Variants in AMPH observed in about 807,000 individuals in gnomAD.
AMPH encodes amphiphysin, also known as amphiphysin (Stiff-Mann syndrome with breast cancer 128kD autoantigen).
AMPH carries 49 observed loss-of-function variants against 99.1 expected under a neutral mutation model. The ratio of observed to expected loss-of-function variants is 0.49; its 90% confidence interval spans 0.39 to 0.63. The LOEUF (loss-of-function observed/expected upper bound fraction) is 0.63, where lower values mean the gene tolerates loss of function less well. Ranked by LOEUF, AMPH falls within the 20% of genes least tolerant of loss-of-function variation. The pLI, the probability that AMPH is intolerant of heterozygous loss-of-function variation, is 0.00. For synonymous variants in AMPH, 314 were observed against 317.3 expected (o/e 0.99, Z 0.11); for missense variants, 759 against 863.4 (o/e 0.88, Z 1.52).
chr7:38,618,391 AG>A (rs1562865234), intron 1 of AMPH, among the ~76,000 whole-genome samples: 1 of 151,900 alleles, frequency 6.6e-6, no homozygotes, highest in Admixed American at 6.6e-5. Flanking sequence ...ATGCACCTGT[AG>A]TCCCAGCTAC....
chr7:38,466,345 T>C (rs1787652078), intron 7 of AMPH, 97 bp from the exon 8 acceptor site: 1 of 944,984 alleles, frequency 1.1e-6, no homozygotes, highest in African/African-American at 1.7e-5. Flanking sequence ...AACCCAGGTT[T>C]CTTTTACACC....
chr7:38,408,704 T>C (rs954614352), intron 17 of AMPH, among the ~76,000 whole-genome samples: 1 of 147,212 alleles, frequency 6.8e-6, no homozygotes, highest in Non-Finnish European at 1.5e-5. Flanking sequence ...TGAGCCAAGA[T>C]TGCGCCACTG....
chr7:38,463,526 T>C (rs73120220), intron 9 of AMPH, among the ~76,000 whole-genome samples: 3,946 of 152,330 alleles, frequency 0.026, 74 homozygotes, highest in Admixed American at 0.054. Flanking sequence ...ATTTTACTCG[T>C]TTCACTTTCT....
chr7:38,565,402 G>A (rs1040573381), intron 1 of AMPH, among the ~76,000 whole-genome samples: 1 of 152,240 alleles, frequency 6.6e-6, no homozygotes, highest in Admixed American at 6.5e-5. Context: ...CTGAGATCGA[G>A]GTGCCATCAA....
At chr7:38,508,272 A>T (rs939081519) in intron 2 of AMPH, among the ~76,000 whole-genome samples, 1 of 152,150 alleles carries the variant, frequency 6.6e-6, no homozygotes, top group Non-Finnish European at 1.5e-5. Context: ...ATGGCCCCAA[A>T]TGCACAAGAA....
At chr7:38,525,540 A>G (rs2129036613) in intron 2 of AMPH, among the ~76,000 whole-genome samples, 1 of 151,644 alleles carries the variant, frequency 6.6e-6, no homozygotes, top group East Asian at 2.0e-4. Flanking sequence ...CACAGTCAGG[A>G]TACAGAACTT....
intron 17 of AMPH, among the ~76,000 whole-genome samples, chr7:38,405,683 T>C (rs1180133225): frequency 6.6e-6 from 1 of 152,094 alleles, no homozygotes; most frequent in Non-Finnish European, 1.5e-5. Flanking sequence ...TATAGAGAGA[T>C]ACATATACAT....
chr7:38,415,555 C>A lies in AMPH; in HGVS notation c.1398+2270G>T, dbSNP rs75371212. ...GATTATTATGACCGGAAGGAAGAAG[C>A]TATAAATCTACTTTAGGAAACAAAA... On this transcript the variant is annotated intron_variant, in intron 17 of 20. Coordinates refer to ENST00000356264, the MANE Select transcript of AMPH (RefSeq NM_001635.4). Among the ~76,000 whole-genome samples the A allele has an allele frequency of 4.8e-3, 734 of 152,192 alleles. 7 individuals are homozygous for A. The highest frequency in any genetic ancestry group is 0.017 in the African/African-American group (703 of 41,526).
chr7:38,462,217 C>T (rs996302115), intron 10 of AMPH, among the ~76,000 whole-genome samples: 9 of 152,238 alleles, frequency 5.9e-5, no homozygotes, highest in African/African-American at 9.6e-5. Flanking sequence ...TAAGCGTTCT[C>T]GGCGCGTTTA....
intron 1 of AMPH, among the ~76,000 whole-genome samples, chr7:38,599,042 T>C (rs1482614259): frequency 1.3e-5 from 2 of 152,230 alleles, no homozygotes; most frequent in Non-Finnish European, 2.9e-5. Flanking sequence ...ATATAGTGCC[T>C]AAATGTAGCT....
intron 2 of AMPH, among the ~76,000 whole-genome samples, chr7:38,523,176 G>A (rs1386999550): frequency 2.0e-5 from 3 of 151,836 alleles, no homozygotes; most frequent in East Asian, 1.9e-4. Context: ...CAGTTGGAAG[G>A]GTCACGGTTT....
chr7:38,627,526 G>A (rs1284715544), intron 1 of AMPH, among the ~76,000 whole-genome samples: 1 of 151,698 alleles, frequency 6.6e-6, no homozygotes, highest in Non-Finnish European at 1.5e-5. Flanking sequence ...GTGGTGGTGG[G>A]CACCTGTAGT....
At chr7:38,519,259 G>A (rs972975914) in intron 2 of AMPH, among the ~76,000 whole-genome samples, 1 of 152,156 alleles carries the variant, frequency 6.6e-6, no homozygotes, top group African/African-American at 2.4e-5. Context: ...AACAGACTAA[G>A]ACAGCATCTC....
At chr7:38,476,323 T>A (rs1199878819) in intron 6 of AMPH, among the ~76,000 whole-genome samples, 1 of 152,204 alleles carries the variant, frequency 6.6e-6, no homozygotes, top group Non-Finnish European at 1.5e-5. Context: ...GAAAGACCAT[T>A]CAGGCAGCTG....
chr7:38,537,081 C>A (rs1482840105), intron 1 of AMPH, among the ~76,000 whole-genome samples: 1 of 151,934 alleles, frequency 6.6e-6, no homozygotes, highest in South Asian at 2.1e-4. Context: ...GTTTAACATA[C>A]TATAAAGTTT....
chr7:38,423,108 C>T (rs73350711), intron 15 of AMPH, among the ~76,000 whole-genome samples: 7,114 of 152,184 alleles, frequency 0.047, 526 homozygotes, highest in African/African-American at 0.16. Context: ...CTCTTCTGGC[C>T]GTTGATATCA....
chr7:38,440,130 T>A (rs900808648), intron 11 of AMPH, among the ~76,000 whole-genome samples: 3 of 152,044 alleles, frequency 2.0e-5, no homozygotes, highest in Non-Finnish European at 4.4e-5. Flanking sequence ...TGTGGACCAA[T>A]CATAATCTAA....
At chr7:38,485,540 A>G (rs1226521866) in intron 5 of AMPH, among the ~76,000 whole-genome samples, 1 of 152,016 alleles carries the variant, frequency 6.6e-6, no homozygotes, top group Non-Finnish European at 1.5e-5. Context: ...TCAATTATAG[A>G]TAGAACCACA....
chr7:38,572,545 T>C (rs545608344), intron 1 of AMPH, among the ~76,000 whole-genome samples: 86 of 152,206 alleles, frequency 5.7e-4, no homozygotes, highest in Middle Eastern at 3.4e-3. Context: ...ATTCCAAAGA[T>C]TAGCAAATGT....
Sources: gnomAD v4.1 joint callset for allele counts (sites outside exome capture counted in the v4.1 genomes callset) on GRCh38, gnomAD v4.1.1 for gene constraint, MANE v1.5 for transcripts, NCBI Gene and HGNC (gene_info 2026-07-23, HGNC 2026-07-21) for gene names.